The following MPG variants were observed in gnomAD, a reference collection of about 807,000 sequenced individuals.
MPG encodes N-methylpurine DNA glycosylase.
A neutral mutation model predicts 31.7 loss-of-function variants in MPG; 33 were observed. That is an observed-to-expected ratio of 1.04 (90% CI 0.79 to 1.39). MPG has a LOEUF of 1.39. Ranked by LOEUF, MPG falls within the 40% of genes most tolerant of loss-of-function variation. MPG has a pLI of 0.00. For missense variants in MPG, 455 were observed against 415.5 expected, an observed-to-expected ratio of 1.10 and a Z score of -0.83; for synonymous variants, 202 against 169.2, an observed-to-expected ratio of 1.19 and a Z score of -1.51.
rs1025521232 is a variant in MPG, at chr16:79,578, C to G, written c.178C>G (p.Pro60Ala). The change falls in exon 2 of 4, where the codon CCC becomes GCC. Residue 60 changes from proline to alanine, a missense_variant. Physicochemically the swap from Pro to Ala is conservative, Grantham distance 27. Transcript: ENST00000356432. ...CCCCAGGGAGCGCTGCTTGGGACCG[C>G]CCACCACTCCGGGCCCATACCGCAG... ...PCPRERCLGPPTTPGPYRSIY... is the reference protein window; with the variant it reads ...PCPRERCLGPATTPGPYRSIY... The G allele has an allele frequency of 2.5e-6, 4 of 1,611,456 alleles. No homozygotes were observed. In the African/African-American group the frequency reaches 5.3e-5, roughly 22 times the overall value.
upstream of MPG, chr16:78,086 C>A (rs1224637322): frequency 3.0e-6 from 1 of 330,700 alleles, no homozygotes; most frequent in East Asian, 4.7e-5. Context: ...GGAATCGGTC[C>A]GGACCTGGCG....
chr16:83,391 T>G (rs1175449827), intron 3 of MPG, 135 bp downstream of exon 3: 1 of 914,166 alleles, frequency 1.1e-6, no homozygotes, highest in East Asian at 2.5e-5. Flanking sequence ...AGGCCAGGGT[T>G]TCGGGAGCTC....
chr16:82,184 CTG>C lies in MPG; in HGVS notation c.301-867_301-866del, dbSNP rs1441237115. ...ACCACCCTATCTCCGGGAAGCCCTCCTGAATGCTCCCCGCGCTGACCCCTTCT... is the reference window on the plus strand; with the variant it reads ...ACCACCCTATCTCCGGGAAGCCCTCCAATGCTCCCCGCGCTGACCCCTTCT... On this transcript the variant is annotated intron_variant, in intron 2 of 3. Coordinates refer to ENST00000356432, the MANE Select transcript of MPG (RefSeq NM_001015052.3). 1.5e-4 allele frequency among the ~76,000 whole-genome samples: 19 copies of C among 129,632 alleles called. 2 individuals carry two copies. Among genetic ancestry groups the C allele is most frequent in the South Asian group, 3.1e-4 (1 of 3,274 alleles). The allele number at this position is 129,632 out of a possible 152,430, so 85.0% of individuals were successfully genotyped here. A position where few individuals can be genotyped will look rare whatever the true frequency, so the allele number is the denominator to read the frequency against.
rs25671 is a variant in MPG, at chr16:79,663, A to G, written c.263A>G (p.Gln88Arg). 113 of 1,569,314 alleles carry G rather than the reference A, an allele frequency of 7.2e-5. No homozygotes were observed. The highest frequency in any genetic ancestry group is 9.0e-5 in the Non-Finnish European group (104 of 1,156,160). ...CGACTGGGGTTGGAGTTCTTCGACC[A>G]GCCGGCAGTCCCCCTGGCCCGGGCA... Reference protein sequence around the residue: ...LTRLGLEFFDQPAVPLARAFL... With the variant: ...LTRLGLEFFDRPAVPLARAFL... The change falls in exon 2 of 4, where the codon CAG (glutamine) becomes CGG (arginine). Residue 88 changes from glutamine (Q) to arginine (R), a missense_variant. Coordinates refer to ENST00000356432, the MANE Select transcript of MPG (RefSeq NM_001015052.3).
At chr16:77,574 C>T (rs1210081893), upstream of MPG, among the ~76,000 whole-genome samples, 2 of 152,204 alleles carry the variant, frequency 1.3e-5, no homozygotes, top group Non-Finnish European at 2.9e-5. Context: ...CAACCCAGAA[C>T]GTGGGCGAGC....
At position 79,612 on chromosome 16, in the gene MPG, T is replaced by A; in HGVS notation, c.212T>A (p.Phe71Tyr). Reference sequence around the variant, plus strand: ...CCGGGCCCATACCGCAGCATCTATTTCTCAAGCCCAAAGGGCCACCTTACC... The same window carrying A: ...CCGGGCCCATACCGCAGCATCTATTACTCAAGCCCAAAGGGCCACCTTACC... ...TTPGPYRSIYFSSPKGHLTRL... is the reference protein window; with the variant it reads ...TTPGPYRSIYYSSPKGHLTRL... The change falls in exon 2 of 4, where the codon TTC becomes TAC. Residue 71 changes from phenylalanine to tyrosine, a missense_variant. Physicochemically the swap from Phe to Tyr is conservative, Grantham distance 22 (BLOSUM62 3). Transcript: ENST00000356432. 6.2e-7 allele frequency: 1 copy of A among 1,601,350 alleles called. No homozygotes were observed. Among genetic ancestry groups the A allele is most frequent in the South Asian group, 1.1e-5 (1 of 90,050 alleles).
At chr16:79,266 T>A (rs750836174) in intron 1 of MPG, 159 bp from the exon 2 acceptor site, 2 of 1,556,042 alleles carry the variant, frequency 1.3e-6, no homozygotes, top group East Asian at 4.8e-5. Context: ...TGTGTCAGGG[T>A]GTTTGTGCCT....
intron 2 of MPG, among the ~76,000 whole-genome samples, chr16:80,551 C>T (rs1278267238): frequency 3.3e-5 from 5 of 152,162 alleles, no homozygotes; most frequent in East Asian, 1.9e-4. Context: ...TGGCTCATGC[C>T]GGTAATCCCA....
rs55950821 is a variant in MPG at position 82,199 on chromosome 16, G to A, written c.301-853G>A. ...GGAAGCCCTCCTGAATGCTCCCCGC[G>A]CTGACCCCTTCTTCCCACCACCCTA... On this transcript the variant is annotated intron_variant, in intron 2 of 3. Transcript: ENST00000356432. Among the ~76,000 whole-genome samples the A allele has an allele frequency of 5.4e-4, 68 of 125,244 alleles. 9 individuals carry two copies. The highest frequency in any genetic ancestry group is 9.8e-4 in the African/African-American group (28 of 28,638). 82.2% of individuals were successfully genotyped at this position (125,244 alleles called of 152,430 possible).
At chr16:82,558 C>T (rs1898279430) in intron 2 of MPG, among the ~76,000 whole-genome samples, 1 of 152,198 alleles carries the variant, frequency 6.6e-6, no homozygotes, top group Admixed American at 6.5e-5. Context: ...ATGAGGGTCC[C>T]TTGTGGCCAC....
At chr16:81,346 T>C (rs60422167) in intron 2 of MPG, among the ~76,000 whole-genome samples, 1 of 152,176 alleles carries the variant, frequency 6.6e-6, no homozygotes, top group Non-Finnish European at 1.5e-5. Context: ...AAAAGGGCTG[T>C]GGGAACCTCC....
intron 2 of MPG, among the ~76,000 whole-genome samples, chr16:81,918 ACCCCTTCTTCC>A (rs1898252354): frequency 1.5e-5 from 1 of 64,850 alleles, no homozygotes; most frequent in African/African-American, 5.2e-5. Context: ...CCCCGCGCTG[ACCCCTTCTTCC>A]CACCACCCTA....
chr16:79,766 T>C (rs1443761908), intron 2 of MPG, 66 bp downstream of exon 2: 2 of 1,491,110 alleles, frequency 1.3e-6, no homozygotes, highest in African/African-American at 1.4e-5. Context: ...CCTGAACCCC[T>C]GTCCGCTGCC....
chr16:83,329 G>C, intron 3 of MPG, 73 bp downstream of exon 3: 1 of 1,433,116 alleles, frequency 7.0e-7, no homozygotes, highest in Middle Eastern at 1.8e-4. Context: ...GGGACCACTA[G>C]GAGGACTGAG....
At chr16:79,169 G>A in intron 1 of MPG, 2 of 1,533,766 alleles carry the variant, frequency 1.3e-6, no homozygotes, top group Non-Finnish European at 1.8e-6. Flanking sequence ...ATGCCGTGCA[G>A]CTCGCACATA....
In MPG at chr16:85,573, T is replaced by C; in HGVS notation, c.678T>C (p.Phe226=). ...LCQALAINKS[F]DQRDLAQDEA... ...AGGCCCTGGCCATCAACAAGAGCTT[T>C]GACCAGAGGGACCTGGCACAGGATG... Residue 226 remains phenylalanine (F), a synonymous_variant, in exon 4 of 4, where the codon TTT becomes TTC. Transcript: ENST00000356432. 6.2e-7 allele frequency: 1 copy of C among 1,613,320 alleles called. No individual in the cohort carries two copies. The highest frequency in any genetic ancestry group is 8.5e-7 in the Non-Finnish European group (1 of 1,179,880).
chr16:83,072 T>G lies in MPG; in HGVS notation c.321T>G (p.Pro107=), dbSNP rs1219484303. 5.0e-6 allele frequency: 8 copies of G among 1,607,278 alleles called. No individual in the cohort carries two copies. The highest frequency in any genetic ancestry group is 5.1e-6 in the Non-Finnish European group (6 of 1,175,948). The change falls in exon 3 of 4, where the codon CCT becomes CCG. Residue 107 remains proline, a synonymous_variant. Coordinates refer to ENST00000356432, the MANE Select transcript of MPG (RefSeq NM_001015052.3). ...FLGQVLVRRL[P]NGTELRGRIV... The stretch of plus-strand genomic sequence containing the variant: ...CACAGGTCCTAGTCCGGCGACTTCC[T>G]AATGGCACAGAACTCCGAGGCCGCA...
In MPG at chr16:85,530, G is replaced by A. The variant is rs1898415899; in HGVS notation, c.635G>A (p.Gly212Asp). 6.2e-7 allele frequency: 1 copy of A among 1,613,410 alleles called. No individual in the cohort carries two copies. Among genetic ancestry groups the A allele is most frequent in the South Asian group, 1.1e-5 (1 of 91,086 alleles). The stretch of plus-strand genomic sequence containing the variant: ...CTCAAGGACCGCGAGCTCTGCAGTG[G>A]CCCCTCCAAGCTGTGCCAGGCCCTG... ...RVLKDRELCSGPSKLCQALAI... is the reference protein window; with the variant it reads ...RVLKDRELCSDPSKLCQALAI... The change falls in exon 4 of 4, where the codon GGC becomes GAC. Residue 212 changes from glycine (G) to aspartate (D), a missense_variant. Gly to Asp is a moderately conservative substitution (Grantham distance 94, BLOSUM62 -1). Transcript: ENST00000356432.
At chr16:78,189 C>A (rs1301063890), upstream of MPG, 2 of 947,142 alleles carry the variant, frequency 2.1e-6, no homozygotes, top group Non-Finnish European at 2.8e-6. Flanking sequence ...CTTCTCCCGG[C>A]TTCCGTCCCC....
Sources: gnomAD v4.1 joint callset for allele counts (sites outside exome capture counted in the v4.1 genomes callset) on GRCh38, gnomAD v4.1.1 for gene constraint, MANE v1.5 for transcripts, NCBI Gene and HGNC (gene_info 2026-07-23, HGNC 2026-07-21) for gene names.